The following CRYBG3 variants were observed in gnomAD, a reference collection of about 807,000 sequenced individuals.
The protein encoded by CRYBG3 is very large A-kinase anchor protein.
CRYBG3 carries 127 observed loss-of-function variants against 244.2 expected under a neutral mutation model. The observed-to-expected ratio is 0.52, with a 90% CI of 0.45 to 0.60. The LOEUF (loss-of-function observed/expected upper bound fraction) is 0.60, where lower values mean the gene tolerates loss of function less well. Among genes scored for constraint, CRYBG3 ranks in the 20% least tolerant of loss-of-function variants. The pLI is 0.00. For synonymous variants in CRYBG3, 1,132 were observed against 1,195.8 expected, an observed-to-expected ratio of 0.95 and a Z score of 1.10; for missense variants, 3,325 against 3,442.5, an observed-to-expected ratio of 0.97 and a Z score of 0.85.
At chr3:97,898,100 G>C (rs1230546859) in intron 12 of CRYBG3, among the ~76,000 whole-genome samples, 1 of 151,554 alleles carries the variant, frequency 6.6e-6, no homozygotes, top group African/African-American at 2.4e-5. Flanking sequence ...GGCACCTGTA[G>C]TCCCAACTAC....
chr3:97,921,623 C>G (rs906461360), intron 17 of CRYBG3, among the ~76,000 whole-genome samples: 1 of 151,918 alleles, frequency 6.6e-6, no homozygotes, highest in South Asian at 2.1e-4. Flanking sequence ...TGGTGGGGAA[C>G]CTAAGTTGAA....
At chr3:97,831,700 T>TG (rs1038316386) in intron 1 of CRYBG3, among the ~76,000 whole-genome samples, 9 of 152,010 alleles carry the variant, frequency 5.9e-5, no homozygotes, top group East Asian at 3.9e-4. Context: ...ACTGTTAGAG[T>TG]GGGGGGGATT....
At position 97,943,247 on chromosome 3, in the gene CRYBG3, C is replaced by G. The variant is rs1418498677; in HGVS notation, c.8846C>G (p.Thr2949Ser). The change falls in exon 22 of 22, where the codon ACT becomes AGT. Residue 2949 changes from threonine to serine, a missense_variant. Physicochemically the swap from Thr to Ser is moderately conservative, Grantham distance 58. This residue lies in a region of CRYBG3 where 714 missense variants were observed against 803.6 expected (regional missense o/e 0.89). Coordinates refer to ENST00000389622, the MANE Select transcript of CRYBG3 (RefSeq NM_153605.4). The stretch of plus-strand genomic sequence containing the variant: ...TTAGGAGGAAATTATTGTGACAAGA[C>G]TCATGTAATTGTAAATCAGCCCCTG... ...DVKGGNYCDK[T>S]HVIVNQPLEG... is the part of the protein sequence containing the mutation. The G allele has an allele frequency of 1.9e-6, 3 of 1,582,416 alleles. No homozygotes were observed. The highest frequency in any genetic ancestry group is 3.4e-5 in the Admixed American group (2 of 58,844).
intron 4 of CRYBG3, among the ~76,000 whole-genome samples, chr3:97,878,477 A>T (rs1280463278): frequency 1.3e-5 from 2 of 152,236 alleles, no homozygotes; most frequent in African/African-American, 4.8e-5. Flanking sequence ...TTTCATAAAA[A>T]TATCAGATTC....
chr3:97,887,387 G>A (rs1201317971), intron 8 of CRYBG3, among the ~76,000 whole-genome samples: 2 of 152,136 alleles, frequency 1.3e-5, no homozygotes, highest in African/African-American at 2.4e-5. Context: ...TTACTTTGAT[G>A]ATGGTTGGTA....
intron 1 of CRYBG3, among the ~76,000 whole-genome samples, chr3:97,829,675 C>T (rs1379945114): frequency 2.0e-5 from 3 of 152,186 alleles, no homozygotes; most frequent in East Asian, 1.9e-4. Flanking sequence ...GAAAGCTTCA[C>T]CTGTGTTTAA....
Position 97,864,287 on chromosome 3 carries a change from A to G in CRYBG3, c.287A>G (p.Lys96Arg). 1 of 1,535,392 alleles carries G rather than the reference A, an allele frequency of 6.5e-7. No individual in the cohort carries two copies. The highest frequency in any genetic ancestry group is 2.4e-5 in the East Asian group (1 of 40,910). The change falls in exon 3 of 22, where the codon AAA becomes AGA. Residue 96 changes from lysine to arginine, a missense_variant. Lys to Arg is a conservative substitution (Grantham distance 26). Coordinates refer to ENST00000389622, the MANE Select transcript of CRYBG3 (RefSeq NM_153605.4). ...ACTCTTCCAGTGCAGGAAGATCCCAAAAAGGCATATGATCTTTCCAGTTCC... is the reference window on the plus strand; with the variant it reads ...ACTCTTCCAGTGCAGGAAGATCCCAGAAAGGCATATGATCTTTCCAGTTCC... Reference protein sequence around the residue: ...PVTLPVQEDPKKAYDLSSSTS... With the variant: ...PVTLPVQEDPRKAYDLSSSTS...
chr3:97,904,406 C>T (rs1376119581), intron 15 of CRYBG3, among the ~76,000 whole-genome samples: 1 of 152,102 alleles, frequency 6.6e-6, no homozygotes, highest in Admixed American at 6.6e-5. Context: ...AACATTATTT[C>T]TGCGTGTGTA....
At chr3:97,848,080 T>C (rs1377480808) in intron 2 of CRYBG3, among the ~76,000 whole-genome samples, 1 of 152,202 alleles carries the variant, frequency 6.6e-6, no homozygotes, top group African/African-American at 2.4e-5. Context: ...GAATACAGAA[T>C]TATGTAGTAA....
chr3:97,835,794 C>G (rs753131459), intron 1 of CRYBG3, among the ~76,000 whole-genome samples: 1 of 152,058 alleles, frequency 6.6e-6, no homozygotes, highest in Non-Finnish European at 1.5e-5. Context: ...GCGCTGTCTT[C>G]AGGACAATTT....
At chr3:97,870,954 G>A (rs1056640304) in intron 3 of CRYBG3, among the ~76,000 whole-genome samples, 1 of 152,194 alleles carries the variant, frequency 6.6e-6, no homozygotes, top group African/African-American at 2.4e-5. Flanking sequence ...GTCCATCTTA[G>A]TAGTAGAGGG....
intron 3 of CRYBG3, among the ~76,000 whole-genome samples, chr3:97,869,316 A>G (rs2039273558): frequency 1.3e-5 from 2 of 152,178 alleles, no homozygotes; most frequent in African/African-American, 4.8e-5. Context: ...TGAATAAAAC[A>G]TGATACATTA....
At chr3:97,943,048 C>G (rs2040267015) in intron 21 of CRYBG3, 178 bp from the exon 22 acceptor site, 1 of 567,786 alleles carries the variant, frequency 1.8e-6, no homozygotes, top group South Asian at 2.3e-5. Flanking sequence ...ATAATAAGGT[C>G]CAATTTGAGG....
intron 15 of CRYBG3, among the ~76,000 whole-genome samples, chr3:97,906,058 T>C (rs2039770733): frequency 6.9e-6 from 1 of 144,748 alleles, no homozygotes; most frequent in Non-Finnish European, 1.5e-5. Flanking sequence ...TAGTTGTAGA[T>C]ATGCGGCGTT....
rs1467915485 is a variant in CRYBG3, at chr3:97,878,007, C to T, written c.6813C>T (p.Asp2271=). ...EPVSKYFRVQ[D]SPGRLSPFIE... ...TGTCAAAATATTTCCGTGTTCAAGA[C>T]AGCCCAGGCAGATTGAGCCCATTTA... Residue 2271 remains aspartate, a synonymous_variant, in exon 4 of 22, where the codon GAC becomes GAT. Coordinates refer to ENST00000389622, the MANE Select transcript of CRYBG3 (RefSeq NM_153605.4). 1 of 1,613,144 alleles carries T rather than the reference C, an allele frequency of 6.2e-7. No homozygotes were observed. Among genetic ancestry groups the T allele is most frequent in the Non-Finnish European group, 8.5e-7 (1 of 1,179,690 alleles).
chr3:97,844,064 A>G (rs2038862028), intron 2 of CRYBG3, among the ~76,000 whole-genome samples: 1 of 152,198 alleles, frequency 6.6e-6, no homozygotes, highest in Admixed American at 6.5e-5. Flanking sequence ...CATTACTGAT[A>G]TGGGCACTTT....
intron 2 of CRYBG3, among the ~76,000 whole-genome samples, chr3:97,858,457 T>G (rs902129017): frequency 6.6e-6 from 1 of 152,088 alleles, no homozygotes; most frequent in South Asian, 2.1e-4. Context: ...TTTTTAGCTA[T>G]TATTTCATTA....
Position 97,877,995 on chromosome 3 carries a change from C to A in CRYBG3, c.6801C>A (p.Phe2267Leu). 1 of 1,614,034 alleles carries A rather than the reference C, an allele frequency of 6.2e-7. No individual in the cohort carries two copies. Among genetic ancestry groups the A allele is most frequent in the South Asian group, 1.1e-5 (1 of 91,050 alleles). ...GIFQEPVSKY[F>L]RVQDSPGRLS... ...TTCAGGAACCAGTGTCAAAATATTTCCGTGTTCAAGACAGCCCAGGCAGAT... is the reference window on the plus strand; with the variant it reads ...TTCAGGAACCAGTGTCAAAATATTTACGTGTTCAAGACAGCCCAGGCAGAT... The change falls in exon 4 of 22, where the codon TTC becomes TTA. Residue 2267 changes from phenylalanine to leucine, a missense_variant. This residue lies in a region of CRYBG3 where 450 missense variants were observed against 424.1 expected (regional missense o/e 1.06). Transcript: ENST00000389622.
intron 1 of CRYBG3, among the ~76,000 whole-genome samples, chr3:97,827,814 A>C (rs887860692): frequency 3.3e-5 from 5 of 152,214 alleles, no homozygotes; most frequent in Non-Finnish European, 7.3e-5. Flanking sequence ...AGTAGAGTCA[A>C]GAGTCAAGTT....
Sources: allele counts gnomAD v4.1 joint callset (sites outside exome capture counted in the v4.1 genomes callset), GRCh38; gene constraint gnomAD v4.1.1; regional missense constraint gnomAD v4.1.1; transcripts MANE v1.5; gene names NCBI Gene and HGNC (gene_info 2026-07-23, HGNC 2026-07-21).